CACNB2: variants seen among roughly 807,000 people sequenced by gnomAD.
CACNB2 encodes the protein calcium voltage-gated channel auxiliary subunit beta 2.
Under a neutral mutation model 73.3 loss-of-function variants are expected in CACNB2, and 42 were observed. The ratio of observed to expected loss-of-function variants is 0.57; its 90% confidence interval spans 0.45 to 0.74. CACNB2 has a LOEUF of 0.74. Among genes scored for constraint, CACNB2 ranks in the 30% least tolerant of loss-of-function variants. The pLI is 0.00. For synonymous variants in CACNB2, 348 were observed against 310.3 expected (o/e 1.12, Z -1.28); for missense variants, 940 against 853.0 (o/e 1.10, Z -1.27).
At chr10:18,370,721 T>C (rs1001128436) in intron 2 of CACNB2, among the ~76,000 whole-genome samples, 8 of 152,226 alleles carry the variant, frequency 5.3e-5, no homozygotes, top group Non-Finnish European at 1.0e-4. Context: ...CCATCATTCT[T>C]TAGGCATTAA....
In CACNB2 at chr10:18,493,601, C is replaced by T. The variant is rs185677818; in HGVS notation, c.334-4754C>T. 3.2e-3 allele frequency among the ~76,000 whole-genome samples: 490 copies of T among 152,142 alleles called. 7 individuals carry two copies. Among genetic ancestry groups the T allele is most frequent in the Non-Finnish European group, 2.6e-4 (18 of 68,022 alleles). On this transcript the variant is annotated intron_variant, in intron 3 of 13. Transcript: ENST00000324631. ...CTGGTGCAATCCATTTTCTGTAATC[C>T]CGTTACCTTAAAGAATGGCGCTCTT...
At position 18,543,187 on chromosome 10, in the gene CACNB2, G is replaced by A. The variant is rs950558591; in HGVS notation, c.*3463G>A. ...AATTGCCATGTTAGAAATGATTCAT[G>A]TAGTTGAGACTATATTAAATATTCA... On this transcript the variant is annotated 3_prime_UTR_variant, in exon 14 of 14. Transcript: ENST00000324631. 1 of 152,076 alleles carries A rather than the reference G, an allele frequency of 6.6e-6. No homozygotes were observed. The highest frequency in any genetic ancestry group is 1.5e-5 in the Non-Finnish European group (1 of 68,020). The allele number at this position is 152,076 out of a possible 1,614,324, so 9.4% of individuals were successfully genotyped here.
intron 2 of CACNB2, among the ~76,000 whole-genome samples, chr10:18,373,718 TA>T (rs1341532919): frequency 1.3e-5 from 2 of 152,338 alleles, no homozygotes; most frequent in African/African-American, 4.8e-5. Flanking sequence ...TTTTCATTAG[TA>T]TTTTTTTGAT....
intron 2 of CACNB2, among the ~76,000 whole-genome samples, chr10:18,323,937 T>G (rs2040486369): frequency 6.6e-6 from 1 of 152,234 alleles, no homozygotes; most frequent in Non-Finnish European, 1.5e-5. Flanking sequence ...TAAAGTCATT[T>G]GTAGAAAATG....
intron 2 of CACNB2, among the ~76,000 whole-genome samples, chr10:18,152,708 C>CAAAAAAAAAAAAAAAAA (rs1564298208): frequency 3.9e-5 from 2 of 51,406 alleles, no homozygotes; most frequent in African/African-American, 9.6e-5. Flanking sequence ...CTGAAACAGA[C>CAAAAAAAAAAAAAAAAA]CAAAAAAAAA....
rs373008584 is a variant in CACNB2 at position 18,420,852 on chromosome 10, T to C, written c.333+18809T>C. ...CTGTAGGAATTTGGGTTCCAGGAAA[T>C]ACAAGAAGAACTGAAAATAATTTTT... On this transcript the variant is annotated intron_variant, in intron 3 of 13. Coordinates refer to ENST00000324631, the MANE Select transcript of CACNB2 (RefSeq NM_201596.3). Among the ~76,000 whole-genome samples the C allele has an allele frequency of 3.3e-5, 5 of 152,298 alleles. No individual in the cohort carries two copies. The South Asian group carries it at 1.0e-3, about 32-fold the overall frequency.
At chr10:18,390,305 C>G (rs766210862) in intron 2 of CACNB2, among the ~76,000 whole-genome samples, 6 of 152,210 alleles carry the variant, frequency 3.9e-5, no homozygotes, top group Non-Finnish European at 8.8e-5. Flanking sequence ...CTCCACCTCC[C>G]GAGTTCAAGT....
intron 2 of CACNB2, among the ~76,000 whole-genome samples, chr10:18,224,030 A>G (rs975053420): frequency 6.6e-6 from 1 of 150,574 alleles, no homozygotes; most frequent in African/African-American, 2.5e-5. Flanking sequence ...ACTCATTTTC[A>G]TATCTAGAAT....
chr10:18,481,006 A>G (rs1411657870), intron 3 of CACNB2, among the ~76,000 whole-genome samples: 5 of 151,126 alleles, frequency 3.3e-5, no homozygotes, highest in Admixed American at 6.6e-5. Flanking sequence ...AGCCTCACCT[A>G]TCTGTTCCAC....
chr10:18,317,161 C>G (rs964269698), intron 2 of CACNB2, among the ~76,000 whole-genome samples: 1 of 151,660 alleles, frequency 6.6e-6, no homozygotes, highest in African/African-American at 2.4e-5. Context: ...TCTCAAAGGT[C>G]TCCAGAAACC....
chr10:18,280,432 T>A (rs2038492240), intron 2 of CACNB2, among the ~76,000 whole-genome samples: 1 of 152,326 alleles, frequency 6.6e-6, no homozygotes, highest in South Asian at 2.1e-4. Context: ...ACGTTGAGCC[T>A]GGTCCTAAAG....
intron 1 of CACNB2, among the ~76,000 whole-genome samples, chr10:18,146,476 ATTTTTT>A (rs59522345): frequency 6.8e-6 from 1 of 146,206 alleles, no homozygotes; most frequent in Non-Finnish European, 1.5e-5. Flanking sequence ...CGGCCAGCTA[ATTTTTT>A]TTTTTTGTTT....
At chr10:18,450,344 C>T (rs1458268042) in intron 3 of CACNB2, among the ~76,000 whole-genome samples, 1 of 152,034 alleles carries the variant, frequency 6.6e-6, no homozygotes, top group Admixed American at 6.6e-5. Flanking sequence ...TCCTCTTTTC[C>T]TTGCTAAATA....
At chr10:18,401,119 G>T in intron 2 of CACNB2, 1 of 1,614,076 alleles carries the variant, frequency 6.2e-7, no homozygotes, top group Non-Finnish European at 8.5e-7. Context: ...AAGGGCTTTC[G>T]TTTGTGGGGA....
chr10:18,308,462 G>A (rs890500338), intron 2 of CACNB2, among the ~76,000 whole-genome samples: 11 of 152,046 alleles, frequency 7.2e-5, no homozygotes, highest in African/African-American at 2.2e-4. Flanking sequence ...CTCTCCTCCC[G>A]CCCTCCGCTC....
intron 3 of CACNB2, among the ~76,000 whole-genome samples, chr10:18,434,154 C>T (rs990552637): frequency 2.0e-5 from 3 of 151,966 alleles, no homozygotes; most frequent in East Asian, 1.9e-4. Flanking sequence ...TCTTCTAATT[C>T]GTTATAGGAG....
At chr10:18,472,551 C>A (rs1301401058) in intron 3 of CACNB2, among the ~76,000 whole-genome samples, 3 of 151,974 alleles carry the variant, frequency 2.0e-5, no homozygotes, top group Non-Finnish European at 4.4e-5. Context: ...GCCCATTTTT[C>A]TACGCTTCTT....
rs2053755622 is a variant in CACNB2 at position 18,537,843 on chromosome 10, C to T, written c.1303-337C>T. Among the ~76,000 whole-genome samples, 3 of 152,170 alleles carry T rather than the reference C, an allele frequency of 2.0e-5. No individual in the cohort carries two copies. The South Asian group carries it at 6.2e-4, about 32-fold the overall frequency. On this transcript the variant is annotated intron_variant, in intron 12 of 13. Transcript: ENST00000324631. Reference sequence around the variant, plus strand: ...AGAACAGGCTTCTTCCTATTCTATTCTATTCTGTTCAAATATATATACATC... The same window carrying T: ...AGAACAGGCTTCTTCCTATTCTATTTTATTCTGTTCAAATATATATACATC...
chr10:18,156,715 T>C (rs977724985), intron 2 of CACNB2, among the ~76,000 whole-genome samples: 13 of 152,112 alleles, frequency 8.5e-5, no homozygotes, highest in Non-Finnish European at 1.6e-4. Context: ...TGCAGTTTCC[T>C]AAAACATTAA....
Sources: allele counts gnomAD v4.1 joint callset (sites outside exome capture counted in the v4.1 genomes callset), GRCh38; gene constraint gnomAD v4.1.1; transcripts MANE v1.5; gene names NCBI Gene and HGNC (gene_info 2026-07-23, HGNC 2026-07-21).